IMPG2: variants seen among roughly 807,000 people sequenced by gnomAD.
IMPG2 encodes interphotoreceptor matrix proteoglycan 2.
A neutral mutation model predicts 129.2 loss-of-function variants in IMPG2; 91 were observed. The observed-to-expected ratio is 0.70, with a 90% CI of 0.59 to 0.84. The LOEUF (loss-of-function observed/expected upper bound fraction) is 0.84, where lower values mean the gene tolerates loss of function less well. Among genes scored for constraint, IMPG2 ranks in the 40% least tolerant of loss-of-function variants. The pLI is 0.00. For missense variants in IMPG2, 1,430 were observed against 1,461.7 expected (o/e 0.98, Z 0.35); for synonymous variants, 510 against 517.7 (o/e 0.99, Z 0.20).
At chr3:101,250,264 G>T (rs1706529797) in intron 11 of IMPG2, among the ~76,000 whole-genome samples, 1 of 152,158 alleles carries the variant, frequency 6.6e-6, no homozygotes, top group African/African-American at 2.4e-5. Flanking sequence ...GAACATAGGA[G>T]ATAGAGCAAG....
rs1706176333 is a variant in IMPG2, at chr3:101,222,588, G to A, written c.*4381C>T. The A allele has an allele frequency of 6.6e-6, 1 of 152,124 alleles. No homozygotes were observed. The highest frequency in any genetic ancestry group is 1.5e-5 in the Non-Finnish European group (1 of 68,016). The allele number at this position is 152,124 out of a possible 1,614,324, so 9.4% of individuals were successfully genotyped here. A position where few individuals can be genotyped will look rare whatever the true frequency, so the allele number is the denominator to read the frequency against. On this transcript the variant is annotated 3_prime_UTR_variant, in exon 19 of 19. Transcript: ENST00000193391. The stretch of plus-strand genomic sequence containing the variant: ...TATTACTAATGAAAATAGTACAGTT[G>A]TATACATAGGAAAACATCCTTATTT...
chr3:101,234,483 G>A lies in IMPG2; in HGVS notation c.3023-1492C>T, dbSNP rs561739201. ...GTTGTTTTAAGGCACCTAGTTTGTG[G>A]TACTTTGTTACAGCAGCCCTAGGAA... On this transcript the variant is annotated intron_variant, in intron 14 of 18. Transcript: ENST00000193391. Among the ~76,000 whole-genome samples the A allele has an allele frequency of 2.0e-5, 3 of 152,196 alleles. No homozygotes were observed. In the South Asian group the frequency reaches 6.2e-4, roughly 32 times the overall value.
rs558942471 is a variant in IMPG2 at position 101,313,687 on chromosome 3, A to G, written c.334+5897T>C. ...GCATGGAATTATCTTTTTTTAGTGT[A>G]ATATATTTTCCTTTCAGAATTGTGG... On this transcript the variant is annotated intron_variant, in intron 2 of 18. Transcript: ENST00000193391. Among the ~76,000 whole-genome samples, 102 of 152,272 alleles carry G rather than the reference A, an allele frequency of 6.7e-4. 2 individuals are homozygous for G. The highest frequency in any genetic ancestry group is 2.4e-3 in the African/African-American group (100 of 41,578).
At chr3:101,320,260 AT>A in intron 1 of IMPG2, 27 bp downstream of exon 1, 2 of 1,283,558 alleles carry the variant, frequency 1.6e-6, no homozygotes, top group South Asian at 2.4e-5. Context: ...ATATGGAAAG[AT>A]AAAAACAAAT....
intron 7 of IMPG2, among the ~76,000 whole-genome samples, chr3:101,273,227 G>A (rs1374142719): frequency 6.6e-6 from 1 of 152,172 alleles, no homozygotes; most frequent in African/African-American, 2.4e-5. Flanking sequence ...GACATTAAAT[G>A]TAATGTTCCC....
At chr3:101,312,928 A>G (rs941069363) in intron 2 of IMPG2, among the ~76,000 whole-genome samples, 4 of 152,072 alleles carry the variant, frequency 2.6e-5, no homozygotes, top group Admixed American at 6.6e-5. Flanking sequence ...AGGCCTGGGA[A>G]GAGGGGGAAG....
intron 2 of IMPG2, among the ~76,000 whole-genome samples, chr3:101,307,881 T>A (rs1405853886): frequency 6.6e-6 from 1 of 152,298 alleles, no homozygotes; most frequent in South Asian, 2.1e-4. Flanking sequence ...CCCTTCCACC[T>A]ATGAGCCTGT....
chr3:101,279,868 A>G (rs1172276027), intron 4 of IMPG2, among the ~76,000 whole-genome samples: 2 of 152,158 alleles, frequency 1.3e-5, no homozygotes, highest in East Asian at 3.9e-4. Context: ...CTACACTCCA[A>G]CTCTTAATCC....
chr3:101,236,662 T>A (rs1383937445), intron 14 of IMPG2, among the ~76,000 whole-genome samples: 1 of 152,106 alleles, frequency 6.6e-6, no homozygotes, highest in East Asian at 1.9e-4. Context: ...AACAGTGCAT[T>A]CAGCCCAGAT....
At position 101,226,854 on chromosome 3, in the gene IMPG2, C is replaced by G; in HGVS notation, c.*115G>C. 2 of 1,122,970 alleles carry G rather than the reference C, an allele frequency of 1.8e-6. No individual in the cohort carries two copies. 69.6% of individuals were successfully genotyped at this position (1,122,970 alleles called of 1,614,324 possible). On this transcript the variant is annotated 3_prime_UTR_variant, in exon 19 of 19. Coordinates refer to ENST00000193391, the MANE Select transcript of IMPG2 (RefSeq NM_016247.4). Reference sequence around the variant, plus strand: ...CAGTGTGCCCTATATTTAATTTTTTCATAGAAAACTCTTCTTCCAACAGTG... The same window carrying G: ...CAGTGTGCCCTATATTTAATTTTTTGATAGAAAACTCTTCTTCCAACAGTG...
intron 14 of IMPG2, among the ~76,000 whole-genome samples, chr3:101,236,181 A>G (rs1381533227): frequency 6.6e-6 from 1 of 152,218 alleles, no homozygotes; most frequent in Non-Finnish European, 1.5e-5. Context: ...AAATCCAGCA[A>G]AGAAAACTCA....
At position 101,275,758 on chromosome 3, in the gene IMPG2, G is replaced by A. The variant is rs376439668; in HGVS notation, c.584-13C>T. ...CTGAGAGTAGTGTCTAAGAAGAAAA[G>A]CAAAAACATATGCATGAATTCAGTC... On this transcript the variant is annotated splice_polypyrimidine_tract_variant and intron_variant, in intron 5 of 18. Transcript: ENST00000193391. The A allele has an allele frequency of 6.3e-7, 1 of 1,596,028 alleles. No homozygotes were observed. The highest frequency in any genetic ancestry group is 8.6e-7 in the Non-Finnish European group (1 of 1,163,716).
chr3:101,319,732 C>A lies in IMPG2; in HGVS notation c.186G>T (p.Lys62Asn), dbSNP rs909700875. Residue 62 changes from lysine to asparagine, a missense_variant, in exon 2 of 19, where the codon AAG (lysine) becomes AAT (asparagine). Lys to Asn is a moderately conservative substitution (Grantham distance 94). Coordinates refer to ENST00000193391, the MANE Select transcript of IMPG2 (RefSeq NM_016247.4). ...ESTDLSLATK[K>N]KQPLDRRETE... ...TTTCTCTGCGGTCCAGAGGCTGTTT[C>A]TTTTTGGTAGCTAGAGAAAGGTCTG... 2 of 1,613,622 alleles carry A rather than the reference C, an allele frequency of 1.2e-6. No homozygotes were observed. Among genetic ancestry groups the A allele is most frequent in the Non-Finnish European group, 8.5e-7 (1 of 1,179,808 alleles).
At chr3:101,289,551 G>A (rs1453181713) in intron 4 of IMPG2, among the ~76,000 whole-genome samples, 3 of 152,002 alleles carry the variant, frequency 2.0e-5, no homozygotes, top group Non-Finnish European at 4.4e-5. Context: ...GAAATATAAT[G>A]GCTCAAGGGT....
At chr3:101,296,018 T>C (rs571643033) in intron 3 of IMPG2, among the ~76,000 whole-genome samples, 113 of 152,304 alleles carry the variant, frequency 7.4e-4, no homozygotes, top group African/African-American at 9.4e-4. Context: ...CAGAGTCAAT[T>C]TGACTTCCTC....
rs1706440129 is a variant in IMPG2 at position 101,243,907 on chromosome 3, G to A, written c.2424C>T (p.Leu808=). Residue 808 remains leucine, a synonymous_variant, in exon 13 of 19, where the codon CTC becomes CTT. Coordinates refer to ENST00000193391, the MANE Select transcript of IMPG2 (RefSeq NM_016247.4). ...LASTPQSADR[L]WLSVTQSTKL... ...TGGTAGACTGTGTCACAGATAACCA[G>A]AGCCTGTCAGCACTCTGTGGTGTAC... The A allele has an allele frequency of 6.2e-7, 1 of 1,614,210 alleles. No individual in the cohort carries two copies. Among genetic ancestry groups the A allele is most frequent in the Non-Finnish European group, 8.5e-7 (1 of 1,180,026 alleles).
In IMPG2 at chr3:101,286,215, A is replaced by T. The variant is rs567739114; in HGVS notation, c.533+5264T>A. On this transcript the variant is annotated intron_variant, in intron 4 of 18. Coordinates refer to ENST00000193391, the MANE Select transcript of IMPG2 (RefSeq NM_016247.4). ...TCTGGCCTATAACTAATACATTAGTATTAGCTAATATTTTTAATTTTATTA... is the reference window on the plus strand; with the variant it reads ...TCTGGCCTATAACTAATACATTAGTTTTAGCTAATATTTTTAATTTTATTA... 1.0e-3 allele frequency among the ~76,000 whole-genome samples: 157 copies of T among 152,272 alleles called. 1 individual carries two copies. The highest frequency in any genetic ancestry group is 3.4e-3 in the African/African-American group (143 of 41,566).
rs772764569 is a variant in IMPG2 at position 101,257,483 on chromosome 3, T to G, written c.1153+46A>C. The stretch of plus-strand genomic sequence containing the variant: ...GAAATTAGTTTACACCAGAGCATAC[T>G]GGAAAAGAAACTATACAAGGACTTC... On this transcript the variant is annotated intron_variant, in intron 10 of 18. Transcript: ENST00000193391. 5.0e-6 allele frequency: 8 copies of G among 1,608,800 alleles called. No individual in the cohort carries two copies. In the African/African-American group the frequency reaches 6.7e-5, roughly 13 times the overall value.
At chr3:101,287,384 A>C (rs1706959565) in intron 4 of IMPG2, among the ~76,000 whole-genome samples, 1 of 152,182 alleles carries the variant, frequency 6.6e-6, no homozygotes, top group Non-Finnish European at 1.5e-5. Flanking sequence ...GAATTAGAAA[A>C]AGCTACTTTA....
Sources: allele counts gnomAD v4.1 joint callset (sites outside exome capture counted in the v4.1 genomes callset), GRCh38; gene constraint gnomAD v4.1.1; transcripts MANE v1.5; gene names NCBI Gene and HGNC (gene_info 2026-07-23, HGNC 2026-07-21).